The following NDE1 variants were observed in gnomAD, a reference collection of about 807,000 sequenced individuals.
The protein encoded by NDE1 is nudE neurodevelopment protein 1.
Under a neutral mutation model 43.4 loss-of-function variants are expected in NDE1, and 28 were observed. The ratio of observed to expected loss-of-function variants is 0.65; its 90% CI spans 0.48 to 0.89. The LOEUF is 0.89. NDE1 is among the 40% of genes least tolerant of loss of function. The pLI is 0.00. For missense variants in NDE1, 441 were observed against 434.1 expected (o/e 1.02, Z -0.14); for synonymous variants, 184 against 172.0 (o/e 1.07, Z -0.55).
At chr16:15,681,580 G>A (rs2038186400) in intron 4 of NDE1, among the ~76,000 whole-genome samples, 1 of 151,942 alleles carries the variant, frequency 6.6e-6, no homozygotes, top group African/African-American at 2.4e-5. Context: ...TTTTAAAATT[G>A]GGTTGTTCGT....
chr16:15,694,407 A>G lies in NDE1; in HGVS notation c.795+151A>G, dbSNP rs1207293663. On this transcript the variant is annotated intron_variant, in intron 7 of 8. Coordinates refer to ENST00000396354, the MANE Select transcript of NDE1 (RefSeq NM_017668.3). Reference sequence around the variant, plus strand: ...GTTGCTCAGGCTGGAGTGTAGTGGTATGATCACAACTCACTGCAGCCTCAA... The same window carrying G: ...GTTGCTCAGGCTGGAGTGTAGTGGTGTGATCACAACTCACTGCAGCCTCAA... 2.7e-6 allele frequency: 4 copies of G among 1,507,844 alleles called. No homozygotes were observed. In the South Asian group the frequency reaches 3.6e-5, roughly 14 times the overall value. 93.4% of individuals were successfully genotyped at this position (1,507,844 alleles called of 1,614,324 possible). A position where few individuals can be genotyped will look rare whatever the true frequency, so the allele number is the denominator to read the frequency against.
At chr16:15,720,024 C>G (rs1449727865) in intron 8 of NDE1, 3 of 1,336,510 alleles carry the variant, frequency 2.2e-6, no homozygotes, top group Non-Finnish European at 3.2e-6. Flanking sequence ...TCCAGAAAAA[C>G]CCCAGCTGAA....
At chr16:15,687,752 A>G (rs775628249) in intron 5 of NDE1, among the ~76,000 whole-genome samples, 9 of 152,242 alleles carry the variant, frequency 5.9e-5, no homozygotes, top group Non-Finnish European at 1.0e-4. Context: ...TTAGAGAAAT[A>G]GCTTTGGGGT....
intron 1 of NDE1, among the ~76,000 whole-genome samples, chr16:15,653,196 A>G (rs2036589214): frequency 2.0e-5 from 3 of 152,172 alleles, no homozygotes; most frequent in Admixed American, 1.3e-4. Flanking sequence ...AGTTCTTAAC[A>G]ACTGCATCGT....
chr16:15,663,936 G>A (rs1265443332), intron 1 of NDE1, among the ~76,000 whole-genome samples: 6 of 152,160 alleles, frequency 3.9e-5, no homozygotes, highest in Admixed American at 2.6e-4. Flanking sequence ...GCGTGGTGGC[G>A]CATGCCTGTA....
intron 7 of NDE1, among the ~76,000 whole-genome samples, chr16:15,696,267 CAGG>C (rs1567659618): frequency 6.6e-6 from 1 of 150,938 alleles, no homozygotes; most frequent in African/African-American, 2.4e-5. Context: ...TCCAGCTGCT[CAGG>C]AGGCTGAGGT....
chr16:15,663,577 C>G (rs139162643), intron 1 of NDE1, among the ~76,000 whole-genome samples: 1 of 152,108 alleles, frequency 6.6e-6, no homozygotes, highest in Non-Finnish European at 1.5e-5. Context: ...CATGTGTCGC[C>G]TCTTCTAGGA....
At chr16:15,678,806 G>A (rs1445910256) in intron 4 of NDE1, among the ~76,000 whole-genome samples, 1 of 152,166 alleles carries the variant, frequency 6.6e-6, no homozygotes, top group African/African-American at 2.4e-5. Context: ...GCCAGGCACG[G>A]TGGCTCACGC....
intron 4 of NDE1, among the ~76,000 whole-genome samples, chr16:15,680,428 G>T (rs1362366661): frequency 6.6e-6 from 1 of 152,104 alleles, no homozygotes; most frequent in Non-Finnish European, 1.5e-5. Context: ...TCAGATTATT[G>T]TTGTAAACAT....
intron 3 of NDE1, among the ~76,000 whole-genome samples, chr16:15,667,695 G>T (rs1026390896): frequency 6.8e-6 from 1 of 147,806 alleles, no homozygotes; most frequent in African/African-American, 2.5e-5. Flanking sequence ...GCAGTGGCGC[G>T]ATCTTGGCTC....
chr16:15,665,790 C>G (rs1012349989), intron 2 of NDE1, among the ~76,000 whole-genome samples: 1 of 146,176 alleles, frequency 6.8e-6, no homozygotes, highest in African/African-American at 2.5e-5. Context: ...GAGTTTCGCT[C>G]TTCTTGCCCA....
At chr16:15,644,341 T>C (rs2036252951) in intron 1 of NDE1, among the ~76,000 whole-genome samples, 1 of 152,206 alleles carries the variant, frequency 6.6e-6, no homozygotes, top group African/African-American at 2.4e-5. Flanking sequence ...CACATCCCTG[T>C]AAACATCCCT....
At chr16:15,710,693 TTTTTTG>T (rs1328510794) in intron 8 of NDE1, among the ~76,000 whole-genome samples, 14 of 151,832 alleles carry the variant, frequency 9.2e-5, no homozygotes, top group African/African-American at 2.7e-4. Context: ...TTTTTGTTTT[TTTTTTG>T]GAGACAGAGT....
At chr16:15,657,469 T>A (rs2036828893) in intron 1 of NDE1, among the ~76,000 whole-genome samples, 1 of 152,148 alleles carries the variant, frequency 6.6e-6, no homozygotes, top group African/African-American at 2.4e-5. Context: ...TGCTATAGAA[T>A]TGGTTTGATG....
In NDE1 at chr16:15,694,212, A is replaced by C; in HGVS notation, c.751A>C (p.Ile251Leu). 1.9e-6 allele frequency: 3 copies of C among 1,613,488 alleles called. No individual in the cohort carries two copies. The highest frequency in any genetic ancestry group is 1.7e-5 in the Admixed American group (1 of 60,014). Residue 251 changes from isoleucine (I) to leucine (L), a missense_variant, in exon 7 of 9, where the codon ATA becomes CTA. Transcript: ENST00000396354. ...GGTPLTPAAR[I>L]SALNIVGDLL... ...GACCCCCCTCACACCTGCGGCCCGG[A>C]TATCAGCCCTCAACATTGTGGGAGA... is the stretch of plus-strand genomic sequence containing the variant.
chr16:15,691,472 T>A, intron 6 of NDE1, 149 bp downstream of exon 6: 1 of 924,500 alleles, frequency 1.1e-6, no homozygotes, highest in Non-Finnish European at 1.7e-6. Context: ...ACTGGGATGT[T>A]CTTGGGGATG....
At chr16:15,713,166 G>A (rs1472329217) in intron 8 of NDE1, 1 of 152,016 alleles carries the variant, frequency 6.6e-6, no homozygotes, top group Non-Finnish European at 1.5e-5. Context: ...AAGGATTTTT[G>A]GAGCTATGTG....
chr16:15,721,353 G>T, intron 8 of NDE1: 2 of 1,523,314 alleles, frequency 1.3e-6, no homozygotes, highest in Non-Finnish European at 1.8e-6. Flanking sequence ...AGCCTCGCAT[G>T]GACTGGTGAA....
rs77774475 is a variant in NDE1, at chr16:15,643,548, A to G, written c.-545A>G. The G allele has an allele frequency of 1.2e-3, 436 of 354,164 alleles. 9 individuals carry two copies. In the East Asian group the frequency reaches 0.051, roughly 41 times the overall value. 21.9% of individuals were successfully genotyped at this position (354,164 alleles called of 1,614,324 possible). On this transcript the variant is annotated 5_prime_UTR_variant, in exon 1 of 10. Coordinates refer to the NDE1 transcript ENST00000396355. Reference sequence around the variant, plus strand: ...GGAAGGCGATTTGAACGGGATTTCAATGAAAAACCCTGTCCCTTCGGCTTT... The same window carrying G: ...GGAAGGCGATTTGAACGGGATTTCAGTGAAAAACCCTGTCCCTTCGGCTTT...
Sources: gnomAD v4.1 joint callset for allele counts (sites outside exome capture counted in the v4.1 genomes callset) on GRCh38, gnomAD v4.1.1 for gene constraint, MANE v1.5 for transcripts, NCBI Gene and HGNC (gene_info 2026-07-23, HGNC 2026-07-21) for gene names.